BMERB1: variants seen among roughly 807,000 people sequenced by gnomAD.
The protein encoded by BMERB1 is bMERB domain containing 1, also known as bMERB domain-containing protein 1.
BMERB1 carries 12 observed loss-of-function variants against 23.6 expected under a neutral mutation model. The observed-to-expected ratio is 0.51, with a 90% CI of 0.33 to 0.82. The LOEUF is 0.82. BMERB1 is among the 40% of genes least tolerant of loss of function. BMERB1 has a pLI of 0.03. For missense variants in BMERB1, 247 were observed against 255.4 expected (o/e 0.97, Z 0.22); for synonymous variants, 122 against 96.6 (o/e 1.26, Z -1.54).
At chr16:15,539,754 A>G (rs1293898068) in intron 2 of BMERB1, among the ~76,000 whole-genome samples, 1 of 151,818 alleles carries the variant, frequency 6.6e-6, no homozygotes, top group East Asian at 1.9e-4. Flanking sequence ...GAGGCAGGAG[A>G]ATCTCTTGAA....
chr16:15,550,935 C>T (rs2030070990), intron 2 of BMERB1, among the ~76,000 whole-genome samples: 2 of 152,074 alleles, frequency 1.3e-5, no homozygotes, highest in Admixed American at 6.6e-5. Flanking sequence ...TTGGCATCAG[C>T]TTGAGAGGAG....
intron 2 of BMERB1, among the ~76,000 whole-genome samples, chr16:15,531,410 G>A (rs1054775904): frequency 1.4e-4 from 22 of 152,222 alleles, no homozygotes; most frequent in African/African-American, 5.3e-4. Context: ...CCCTTTTGCC[G>A]TGTAAGGTAA....
At chr16:15,545,988 T>C (rs919143194) in intron 2 of BMERB1, among the ~76,000 whole-genome samples, 1 of 151,094 alleles carries the variant, frequency 6.6e-6, no homozygotes, top group Non-Finnish European at 1.5e-5. Flanking sequence ...TTGACAGAGG[T>C]CAAAGAAGAG....
intron 1 of BMERB1, among the ~76,000 whole-genome samples, chr16:15,449,000 C>G (rs193184187): frequency 3.2e-4 from 49 of 152,198 alleles, no homozygotes; most frequent in African/African-American, 1.1e-3. Flanking sequence ...ATTTTTGATT[C>G]TTAGATGCCA....
chr16:15,482,083 A>G (rs1470914662), intron 1 of BMERB1, among the ~76,000 whole-genome samples: 1 of 152,056 alleles, frequency 6.6e-6, no homozygotes, highest in Non-Finnish European at 1.5e-5. Context: ...CATCTGTGAA[A>G]GACAGAGATG....
chr16:15,481,782 T>C (rs768523331), intron 1 of BMERB1, among the ~76,000 whole-genome samples: 3 of 151,412 alleles, frequency 2.0e-5, no homozygotes, highest in Non-Finnish European at 4.4e-5. Context: ...AGTGCAATAA[T>C]AGCATGATCT....
At chr16:15,446,291 G>A (rs1190124721) in intron 1 of BMERB1, among the ~76,000 whole-genome samples, 3 of 152,088 alleles carry the variant, frequency 2.0e-5, no homozygotes, top group Non-Finnish European at 2.9e-5. Flanking sequence ...AGCTACCCGG[G>A]GGCTGAGGTG....
At chr16:15,527,990 C>T (rs1186648903) in intron 2 of BMERB1, among the ~76,000 whole-genome samples, 2 of 152,162 alleles carry the variant, frequency 1.3e-5, no homozygotes, top group African/African-American at 2.4e-5. Flanking sequence ...TCTCCATGGC[C>T]ACCACCCAGG....
intron 3 of BMERB1, among the ~76,000 whole-genome samples, chr16:15,569,003 T>G (rs1596400347): frequency 6.6e-6 from 1 of 151,870 alleles, no homozygotes; most frequent in African/African-American, 2.4e-5. Flanking sequence ...ATCACTTGAG[T>G]TCAGGAGTTT....
At chr16:15,527,466 G>C (rs566808048) in intron 2 of BMERB1, among the ~76,000 whole-genome samples, 2 of 152,130 alleles carry the variant, frequency 1.3e-5, no homozygotes. Context: ...TTAGCCAGGC[G>C]TGGTGGCGCA....
intron 1 of BMERB1, among the ~76,000 whole-genome samples, chr16:15,435,209 C>A (rs565562646): frequency 2.0e-5 from 3 of 152,206 alleles, no homozygotes; most frequent in East Asian, 1.9e-4. Flanking sequence ...TTTCCTACCC[C>A]CTGCGTGAGG....
intron 2 of BMERB1, among the ~76,000 whole-genome samples, chr16:15,532,544 C>CTT (rs58964968): frequency 0.023 from 2,127 of 91,838 alleles, 56 homozygotes; most frequent in Middle Eastern, 0.044. Context: ...TTTTCTTTTT[C>CTT]TTTTTTTTTT....
chr16:15,476,526 G>A (rs1437913254), intron 1 of BMERB1, among the ~76,000 whole-genome samples: 1 of 152,206 alleles, frequency 6.6e-6, no homozygotes, highest in Admixed American at 6.5e-5. Flanking sequence ...AGTGAGCTTT[G>A]TTGACACCAG....
chr16:15,565,915 A>C, intron 2 of BMERB1, among the ~76,000 whole-genome samples: 1 of 152,190 alleles, frequency 6.6e-6, no homozygotes, highest in East Asian at 1.9e-4. Flanking sequence ...ATCACGGGGA[A>C]GTTATTTGAA....
At chr16:15,462,213 G>T (rs758971665) in intron 1 of BMERB1, among the ~76,000 whole-genome samples, 2 of 120,960 alleles carry the variant, frequency 1.7e-5, no homozygotes, top group East Asian at 2.7e-4. Context: ...GTGCAATGGC[G>T]CCATCTTGGC....
chr16:15,571,921 T>C (rs2030738455), intron 3 of BMERB1, among the ~76,000 whole-genome samples: 1 of 152,102 alleles, frequency 6.6e-6, no homozygotes, highest in African/African-American at 2.4e-5. Flanking sequence ...CTTCCTGCCC[T>C]CTCTTTCCCC....
At chr16:15,544,581 G>A in intron 2 of BMERB1, among the ~76,000 whole-genome samples, 1 of 152,208 alleles carries the variant, frequency 6.6e-6, no homozygotes, top group Non-Finnish European at 1.5e-5. Context: ...GCAGCCGGGA[G>A]CTGGCTTGAC....
At chr16:15,524,659 A>G (rs1466213620) in intron 2 of BMERB1, among the ~76,000 whole-genome samples, 1 of 152,104 alleles carries the variant, frequency 6.6e-6, no homozygotes, top group African/African-American at 2.4e-5. Flanking sequence ...AATCCCAGCT[A>G]CTCGAGAGGC....
chr16:15,508,074 G>A (rs555368194), intron 1 of BMERB1, among the ~76,000 whole-genome samples: 1 of 152,268 alleles, frequency 6.6e-6, no homozygotes, highest in African/African-American at 2.4e-5. Flanking sequence ...GAGAGATCTT[G>A]TTTTAAATCT....
Sources: gnomAD v4.1 joint callset for allele counts (sites outside exome capture counted in the v4.1 genomes callset) on GRCh38, gnomAD v4.1.1 for gene constraint, MANE v1.5 for transcripts, NCBI Gene and HGNC (gene_info 2026-07-23, HGNC 2026-07-21) for gene names.